The following SOD2 variants were observed in gnomAD, a reference collection of about 807,000 sequenced individuals.
SOD2 encodes superoxide dismutase 2.
SOD2 carries 11 observed loss-of-function variants against 27.0 expected under a neutral mutation model. That is an observed-to-expected ratio of 0.41 (90% confidence interval 0.26 to 0.67). The LOEUF (loss-of-function observed/expected upper bound fraction) is 0.67. Among genes scored for constraint, SOD2 ranks in the 30% least tolerant of loss-of-function variants. The pLI is 0.34. For synonymous variants in SOD2, 105 were observed against 103.0 expected, an observed-to-expected ratio of 1.02 and a Z score of -0.12; for missense variants, 250 against 274.5, an observed-to-expected ratio of 0.91 and a Z score of 0.63.
At chr6:159,762,126 G>A in exon 1 of SOD2, 1 of 1,612,734 alleles carries the variant, frequency 6.2e-7, no homozygotes, top group South Asian at 1.1e-5. Context: ...TCGTCTCGGC[G>A]GCGCGGACCA....
At chr6:159,688,740 C>T (rs1780310929) in intron 2 of SOD2, among the ~76,000 whole-genome samples, 1 of 152,144 alleles carries the variant, frequency 6.6e-6, no homozygotes, top group Non-Finnish European at 1.5e-5. Context: ...TCAGTAAATG[C>T]CAGCTCTGTC....
At chr6:159,730,662 A>C (rs547689959), upstream of SOD2, among the ~76,000 whole-genome samples, 1 of 152,302 alleles carries the variant, frequency 6.6e-6, no homozygotes, top group Non-Finnish European at 1.5e-5. Flanking sequence ...CATCAGATTA[A>C]AGTTGAGGAA....
chr6:159,721,701 T>C (rs1778045001), intron 1 of SOD2, among the ~76,000 whole-genome samples: 1 of 81,670 alleles, frequency 1.2e-5, no homozygotes, highest in Non-Finnish European at 2.5e-5. Context: ...TTTTTTTTTG[T>C]ATTTTTAGTA....
chr6:159,734,947 C>A (rs906720169), intron 1 of SOD2, among the ~76,000 whole-genome samples: 14 of 151,774 alleles, frequency 9.2e-5, no homozygotes, highest in African/African-American at 3.4e-4. Context: ...ATGAATAATA[C>A]CTGCTATTAG....
rs1202966569 is a variant in SOD2 at position 159,682,600 on chromosome 6, C to T, written c.562G>A (p.Ala188Thr). The change falls in exon 5 of 5, where the codon GCT becomes ACT. Residue 188 changes from alanine (A) to threonine (T), a missense_variant. Coordinates refer to ENST00000538183, the MANE Select transcript of SOD2 (RefSeq NM_000636.4). ...PLLGIDVWEH[A>T]YYLQYKNVRP... Reference sequence around the variant, plus strand: ...ACATTTTTATACTGAAGGTAGTAAGCGTGCTCCCACACATCAATCCCCAGC... The same window carrying T: ...ACATTTTTATACTGAAGGTAGTAAGTGTGCTCCCACACATCAATCCCCAGC... 4 of 1,613,778 alleles carry T rather than the reference C, an allele frequency of 2.5e-6. No individual in the cohort carries two copies. Among genetic ancestry groups the T allele is most frequent in the Non-Finnish European group, 3.4e-6 (4 of 1,179,894 alleles).
intron 1 of SOD2, among the ~76,000 whole-genome samples, chr6:159,742,480 G>A (rs1381667241): frequency 6.6e-6 from 1 of 152,152 alleles, no homozygotes; most frequent in Non-Finnish European, 1.5e-5. Flanking sequence ...CTTGAAGCAT[G>A]AGTTACTAGT....
At chr6:159,693,632 C>G (rs913574224), upstream of SOD2, among the ~76,000 whole-genome samples, 1 of 152,224 alleles carries the variant, frequency 6.6e-6, no homozygotes, top group Non-Finnish European at 1.5e-5. Context: ...GCGGCGCCTG[C>G]CCCTGAGTTT....
intron 1 of SOD2, among the ~76,000 whole-genome samples, chr6:159,752,599 G>T (rs1220655519): frequency 6.6e-6 from 1 of 152,064 alleles, no homozygotes; most frequent in Non-Finnish European, 1.5e-5. Context: ...TGTGATACGT[G>T]ACCACTGGTC....
At chr6:159,705,966 C>T (rs1415495641) in intron 1 of SOD2, among the ~76,000 whole-genome samples, 19 of 152,272 alleles carry the variant, frequency 1.2e-4, no homozygotes, top group Admixed American at 6.5e-4. Context: ...CAATATTCAA[C>T]GTTTTTAAAG....
intron 1 of SOD2, among the ~76,000 whole-genome samples, chr6:159,759,657 G>T (rs1395808053): frequency 3.5e-3 from 1 of 288 alleles, no homozygotes; most frequent in Non-Finnish European, 9.8e-3. Flanking sequence ...GTGACAGAGC[G>T]AGCTCCGTCT....
chr6:159,757,501 C>T (rs1780040747), intron 1 of SOD2, among the ~76,000 whole-genome samples: 1 of 151,924 alleles, frequency 6.6e-6, no homozygotes, highest in Non-Finnish European at 1.5e-5. Context: ...CAACCTCCAC[C>T]TCCCGGATTC....
intron 1 of SOD2, chr6:159,736,150 AGT>A: frequency 1.9e-6 from 2 of 1,065,142 alleles, no homozygotes; most frequent in Non-Finnish European, 2.8e-6. Context: ...ATTATTCAAC[AGT>A]AATTTAGTTC....
At chr6:159,731,821 A>G (rs891215562), upstream of SOD2, among the ~76,000 whole-genome samples, 8 of 152,260 alleles carry the variant, frequency 5.3e-5, no homozygotes, top group Admixed American at 2.6e-4. Context: ...AAAGTTGACA[A>G]CCTGTTTCAG....
chr6:159,729,370 C>G (rs1778424826), upstream of SOD2, among the ~76,000 whole-genome samples: 1 of 152,110 alleles, frequency 6.6e-6, no homozygotes, highest in Non-Finnish European at 1.5e-5. Context: ...CTTGTAGTTA[C>G]TAAGCTTAAC....
chr6:159,719,767 A>G lies in SOD2; in HGVS notation c.-116+7362T>C, dbSNP rs561966097. 2.1e-5 allele frequency among the ~76,000 whole-genome samples: 3 copies of G among 139,830 alleles called. No homozygotes were observed. The South Asian group carries it at 7.1e-4, about 33-fold the overall frequency. The allele number at this position is 139,830 out of a possible 152,430, so 91.7% of individuals were successfully genotyped here. On this transcript the variant is annotated intron_variant, in intron 1 of 2. Transcript: ENST00000401980. ...TTGAGAGAGTCTTATTCTGTCCCCC[A>G]GGTTGGAGTGCAGTCACGCGATCTT... is the stretch of plus-strand genomic sequence containing the variant.
intron 1 of SOD2, among the ~76,000 whole-genome samples, chr6:159,734,532 C>T (rs1367767184): frequency 6.6e-6 from 1 of 152,058 alleles, no homozygotes; most frequent in Non-Finnish European, 1.5e-5. Context: ...ATAACTAGGG[C>T]TGGGCGTGAT....
Position 159,673,671 on chromosome 6 carries a change from CA to C in SOD2, c.*8821del, listed in dbSNP as rs1251001025. The C allele has an allele frequency of 6.6e-6, 1 of 152,164 alleles. No individual in the cohort carries two copies. Among genetic ancestry groups the C allele is most frequent in the Non-Finnish European group, 1.5e-5 (1 of 68,040 alleles). The allele number at this position is 152,164 out of a possible 1,614,324, so 9.4% of individuals were successfully genotyped here. ...GAAAGATCTAAAATTGACACTCTAA[CA>C]TCACAATTAAAAATATTAGAGAAGC... On this transcript the variant is annotated 3_prime_UTR_variant, in exon 5 of 5. Coordinates refer to ENST00000538183, the MANE Select transcript of SOD2 (RefSeq NM_000636.4).
chr6:159,689,397 C>G (rs530582556), intron 2 of SOD2, among the ~76,000 whole-genome samples: 3 of 152,186 alleles, frequency 2.0e-5, no homozygotes, highest in Non-Finnish European at 2.9e-5. Context: ...GGCCCTGTAA[C>G]TCCTGGCATA....
intron 1 of SOD2, chr6:159,739,078 T>C (rs985325905): frequency 2.6e-6 from 4 of 1,542,148 alleles, no homozygotes; most frequent in Admixed American, 3.4e-5. Flanking sequence ...ACAAAGTCTT[T>C]CTATAGAACA....
Sources: allele counts gnomAD v4.1 joint callset (sites outside exome capture counted in the v4.1 genomes callset), GRCh38; gene constraint gnomAD v4.1.1; transcripts MANE v1.5; gene names NCBI Gene and HGNC (gene_info 2026-07-23, HGNC 2026-07-21).